SEM1: variants seen among roughly 807,000 people sequenced by gnomAD.
SEM1 encodes the protein SEM1 26S proteasome subunit.
In SEM1, 3 loss-of-function variants were observed where a neutral mutation model predicts 12.7. The ratio of observed to expected loss-of-function variants is 0.24; its 90% CI spans 0.11 to 0.61. SEM1 has a LOEUF of 0.61. Among genes scored for constraint, SEM1 ranks in the 20% least tolerant of loss-of-function variants. The probability of loss-of-function intolerance (pLI) is 0.88; values close to 1 mark genes in which losing one functional copy is unlikely to be tolerated. For missense variants in SEM1, 59 were observed against 81.3 expected, an observed-to-expected ratio of 0.73 and a Z score of 1.06; for synonymous variants, 30 against 27.8, an observed-to-expected ratio of 1.08 and a Z score of -0.25.
At chr7:96,518,817 T>C (rs1284171273) in intron 2 of SEM1, among the ~76,000 whole-genome samples, 2 of 152,190 alleles carry the variant, frequency 1.3e-5, no homozygotes, top group South Asian at 4.1e-4. Flanking sequence ...GTTCATATGG[T>C]AAGGGAAAGT....
At position 96,595,964 on chromosome 7, in the gene SEM1, C is replaced by T. The variant is rs554549437; in HGVS notation, c.171-89266G>A. Among the ~76,000 whole-genome samples the T allele has an allele frequency of 2.0e-5, 3 of 152,294 alleles. No homozygotes were observed. The East Asian group carries it at 5.8e-4, about 29-fold the overall frequency. ...CTCTTCGATCAAAGAATAGAGCAAG[C>T]TATGCAGCCTTTGCAGGCATAGGGT... On this transcript the variant is annotated intron_variant and NMD_transcript_variant, in intron 2 of 3. Coordinates refer to the SEM1 transcript ENST00000466986.
chr7:96,672,230 G>A (rs1789335691), downstream of SEM1, among the ~76,000 whole-genome samples: 1 of 152,180 alleles, frequency 6.6e-6, no homozygotes, highest in Non-Finnish European at 1.5e-5. Context: ...GTGGTGGGCA[G>A]GAAACCAAGA....
At chr7:96,666,413 A>G (rs998810793) in intron 2 of SEM1, among the ~76,000 whole-genome samples, 3 of 152,144 alleles carry the variant, frequency 2.0e-5, no homozygotes, top group East Asian at 3.9e-4. Flanking sequence ...ACATCTATAA[A>G]ATGTGAAAAT....
downstream of SEM1, among the ~76,000 whole-genome samples, chr7:96,683,775 C>G (rs1459483530): frequency 1.3e-5 from 2 of 152,228 alleles, no homozygotes; most frequent in Non-Finnish European, 2.9e-5. Flanking sequence ...CAAACTAACA[C>G]AAGAACAGAA....
At chr7:96,628,140 A>G (rs1808130760) in intron 2 of SEM1, among the ~76,000 whole-genome samples, 1 of 150,864 alleles carries the variant, frequency 6.6e-6, no homozygotes, top group South Asian at 2.1e-4. Context: ...CTTTATTTTC[A>G]GTCTATGTGT....
intron 2 of SEM1, among the ~76,000 whole-genome samples, chr7:96,522,388 T>C (rs1804304361): frequency 6.6e-6 from 1 of 152,090 alleles, no homozygotes; most frequent in African/African-American, 2.4e-5. Context: ...CCTAAACTTT[T>C]AGTTTGCTCT....
intron 2 of SEM1, among the ~76,000 whole-genome samples, chr7:96,602,485 A>G (rs1476642064): frequency 6.6e-6 from 1 of 152,172 alleles, no homozygotes; most frequent in Non-Finnish European, 1.5e-5. Context: ...TATCTCCGTC[A>G]GACTGGTTTT....
At chr7:96,547,251 C>T (rs915967558) in intron 2 of SEM1, among the ~76,000 whole-genome samples, 2 of 152,098 alleles carry the variant, frequency 1.3e-5, no homozygotes, top group Non-Finnish European at 2.9e-5. Context: ...GTCTAGAGGA[C>T]ATTTAGGAAT....
intron 2 of SEM1, among the ~76,000 whole-genome samples, chr7:96,531,760 T>A (rs571167370): frequency 2.6e-5 from 4 of 152,122 alleles, no homozygotes; most frequent in South Asian, 4.1e-4. Context: ...ACCCTATTAT[T>A]ACTGGTAGTT....
intron 2 of SEM1, among the ~76,000 whole-genome samples, chr7:96,583,211 G>A (rs998997572): frequency 1.3e-4 from 20 of 149,118 alleles, no homozygotes; most frequent in African/African-American, 4.9e-4. Context: ...CTTTATTTCT[G>A]CCTTCATTTC....
At chr7:96,511,269 A>G (rs1803926180) in intron 2 of SEM1, among the ~76,000 whole-genome samples, 1 of 152,172 alleles carries the variant, frequency 6.6e-6, no homozygotes, top group Non-Finnish European at 1.5e-5. Flanking sequence ...TCCAATTGTT[A>G]TTAATCACCT....
At chr7:96,583,492 T>G (rs2116075933) in intron 2 of SEM1, among the ~76,000 whole-genome samples, 1 of 149,292 alleles carries the variant, frequency 6.7e-6, no homozygotes, top group South Asian at 2.3e-4. Context: ...TTAGGTCCAC[T>G]TGGTGCAGAG....
chr7:96,617,894 G>A (rs927393795), downstream of SEM1, among the ~76,000 whole-genome samples: 4 of 152,086 alleles, frequency 2.6e-5, no homozygotes, highest in Non-Finnish European at 4.4e-5. Context: ...AATCCCACCT[G>A]ATCATGGTGT....
intron 2 of SEM1, among the ~76,000 whole-genome samples, chr7:96,675,865 T>C (rs1789439576): frequency 6.6e-6 from 1 of 152,220 alleles, no homozygotes; most frequent in Non-Finnish European, 1.5e-5. Flanking sequence ...TTTAAGGTCC[T>C]GATGCCAGAG....
chr7:96,577,750 CT>C (rs1248367483), intron 2 of SEM1, among the ~76,000 whole-genome samples: 1 of 151,594 alleles, frequency 6.6e-6, no homozygotes, highest in Non-Finnish European at 1.5e-5. Context: ...TAAACTTGAG[CT>C]TCAAAAAAAT....
intron 2 of SEM1, among the ~76,000 whole-genome samples, chr7:96,631,545 C>T (rs774085180): frequency 2.6e-5 from 4 of 152,030 alleles, no homozygotes; most frequent in Non-Finnish European, 1.5e-5. Context: ...TCTTCAGTGC[C>T]TCTTTCAGTG....
chr7:96,659,056 G>C (rs1036208726), intron 2 of SEM1, among the ~76,000 whole-genome samples: 1 of 152,180 alleles, frequency 6.6e-6, no homozygotes, highest in Non-Finnish European at 1.5e-5. Flanking sequence ...CATACCTGCA[G>C]AGGTGTACTG....
At chr7:96,519,255 T>C (rs1238806826) in intron 2 of SEM1, among the ~76,000 whole-genome samples, 1 of 152,146 alleles carries the variant, frequency 6.6e-6, no homozygotes, top group Non-Finnish European at 1.5e-5. Context: ...TTTCATTGAT[T>C]CAACAAAACT....
chr7:96,533,121 C>A (rs1418053250), intron 2 of SEM1, among the ~76,000 whole-genome samples: 1 of 152,052 alleles, frequency 6.6e-6, no homozygotes. Flanking sequence ...AAGCTGAACC[C>A]CAATGCCACA....
Sources: allele counts gnomAD v4.1 joint callset (sites outside exome capture counted in the v4.1 genomes callset), GRCh38; gene constraint gnomAD v4.1.1; transcripts MANE v1.5; gene names NCBI Gene and HGNC (gene_info 2026-07-23, HGNC 2026-07-21).